The following LRP1B variants were observed in gnomAD, a reference collection of about 807,000 sequenced individuals.
LRP1B encodes the protein low-density lipoprotein receptor-related protein 1B.
LRP1B carries 217 observed loss-of-function variants against 556.6 expected under a neutral mutation model. The observed-to-expected ratio is 0.39, with a 90% confidence interval of 0.35 to 0.44. LRP1B has a LOEUF of 0.44. Among genes scored for constraint, LRP1B ranks in the 20% least tolerant of loss-of-function variants. The pLI is 1.00. For synonymous variants in LRP1B, 2,047 were observed against 1,865.8 expected, an observed-to-expected ratio of 1.10 and a Z score of -2.50; for missense variants, 5,053 against 5,620.8, an observed-to-expected ratio of 0.90 and a Z score of 3.23.
At chr2:140,848,031 C>T (rs1692329805) in intron 29 of LRP1B, among the ~76,000 whole-genome samples, 2 of 151,828 alleles carry the variant, frequency 1.3e-5, no homozygotes, top group African/African-American at 4.8e-5. Flanking sequence ...TAAGATATAA[C>T]ATCTTTTGCT....
At chr2:141,248,081 G>T (rs894805135) in intron 4 of LRP1B, among the ~76,000 whole-genome samples, 3 of 152,044 alleles carry the variant, frequency 2.0e-5, no homozygotes, top group Admixed American at 2.0e-4. Context: ...AATGGTGTGT[G>T]CCTGTACCCC....
intron 32 of LRP1B, among the ~76,000 whole-genome samples, chr2:140,802,587 C>T (rs1690554148): frequency 6.6e-6 from 1 of 152,170 alleles, no homozygotes; most frequent in African/African-American, 2.4e-5. Flanking sequence ...GCACAGCATA[C>T]CTGCATCAGT....
At chr2:141,743,961 G>GATTC (rs1553457881) in intron 2 of LRP1B, among the ~76,000 whole-genome samples, 1 of 150,840 alleles carries the variant, frequency 6.6e-6, no homozygotes, top group African/African-American at 2.4e-5. Flanking sequence ...CTTTTTGTTT[G>GATTC]ATTCTTTATA....
intron 32 of LRP1B, among the ~76,000 whole-genome samples, chr2:140,808,867 G>A (rs2105025840): frequency 6.6e-6 from 1 of 152,238 alleles, no homozygotes; most frequent in Non-Finnish European, 1.5e-5. Context: ...CAGAATACAA[G>A]CTCTGTTCAA....
At chr2:141,194,235 A>G (rs927529521) in intron 6 of LRP1B, among the ~76,000 whole-genome samples, 1 of 152,104 alleles carries the variant, frequency 6.6e-6, no homozygotes, top group African/African-American at 2.4e-5. Context: ...CTATATATTT[A>G]CATAAGTCAT....
At chr2:141,535,179 T>C (rs187855058) in intron 2 of LRP1B, among the ~76,000 whole-genome samples, 14 of 152,302 alleles carry the variant, frequency 9.2e-5, no homozygotes, top group African/African-American at 3.1e-4. Context: ...CTTTAAATAC[T>C]CAGGCTTGAC....
chr2:140,260,632 G>GT (rs1212064308), intron 86 of LRP1B, among the ~76,000 whole-genome samples: 1 of 151,446 alleles, frequency 6.6e-6, no homozygotes, highest in African/African-American at 2.4e-5. Context: ...TGTATTTATT[G>GT]TTTTTTTATT....
chr2:140,719,519 C>G (rs544545563), intron 35 of LRP1B, among the ~76,000 whole-genome samples: 2 of 152,054 alleles, frequency 1.3e-5, no homozygotes, highest in Non-Finnish European at 2.9e-5. Context: ...CCCATATACA[C>G]CATGACATCT....
chr2:140,652,252 A>T (rs999209383), intron 41 of LRP1B, among the ~76,000 whole-genome samples: 1 of 152,046 alleles, frequency 6.6e-6, no homozygotes, highest in African/African-American at 2.4e-5. Flanking sequence ...GATGGGAAAG[A>T]CAAATTTGAG....
chr2:141,523,761 CTT>C (rs1312624178), intron 2 of LRP1B, among the ~76,000 whole-genome samples: 2 of 152,132 alleles, frequency 1.3e-5, no homozygotes, highest in Non-Finnish European at 1.5e-5. Context: ...CAGAAGGACA[CTT>C]TGTTAGTGTC....
intron 7 of LRP1B, among the ~76,000 whole-genome samples, chr2:141,083,375 A>G (rs2049478): frequency 0.85 from 127,932 of 150,912 alleles, 54,577 homozygotes; most frequent in Non-Finnish European, 0.89. Context: ...ATGAAGAAGG[A>G]ACAGGGATGA....
At chr2:140,558,944 A>G (rs1322419434) in intron 43 of LRP1B, among the ~76,000 whole-genome samples, 3 of 122,116 alleles carry the variant, frequency 2.5e-5, no homozygotes, top group Non-Finnish European at 3.4e-5. Flanking sequence ...TCCAAAAGGA[A>G]AAAAAAAAAA....
In LRP1B at chr2:141,066,426, G is replaced by T. The variant is rs199686516; in HGVS notation, c.1014-4153C>A. 1.3e-4 allele frequency among the ~76,000 whole-genome samples: 20 copies of T among 152,076 alleles called. No individual in the cohort carries two copies. The East Asian group carries it at 3.7e-3, about 28-fold the overall frequency. ...ATAAGTCACAAAGGGAGCGCTCATG[G>T]ACAGTGACAGAGCACTGTGCTTACA... On this transcript the variant is annotated intron_variant, in intron 7 of 90. Coordinates refer to ENST00000389484, the MANE Select transcript of LRP1B (RefSeq NM_018557.3).
chr2:140,517,155 AG>A (rs1157476713), intron 49 of LRP1B, 144 bp from the exon 50 acceptor site: 13 of 633,076 alleles, frequency 2.1e-5, no homozygotes, highest in African/African-American at 1.7e-4. Context: ...AAGAATGTCA[AG>A]GTTATGAAAA....
chr2:141,462,663 AAATT>A (rs1267312848), intron 3 of LRP1B, among the ~76,000 whole-genome samples: 2 of 152,144 alleles, frequency 1.3e-5, no homozygotes, highest in Non-Finnish European at 2.9e-5. Flanking sequence ...AAAAATAAAA[AAATT>A]AATAAATAAC....
chr2:141,819,248 CAAACAAACAAA>C (rs1696674246), intron 1 of LRP1B, among the ~76,000 whole-genome samples: 2 of 131,816 alleles, frequency 1.5e-5, no homozygotes, highest in South Asian at 2.4e-4. Context: ...AACAAACAAA[CAAACAAACAAA>C]AAAAAAAACA....
intron 20 of LRP1B, among the ~76,000 whole-genome samples, chr2:140,947,026 G>A (rs1217676272): frequency 6.6e-6 from 1 of 152,140 alleles, no homozygotes; most frequent in Non-Finnish European, 1.5e-5. Flanking sequence ...ATGGAGAGAA[G>A]GAATGTGAGC....
intron 4 of LRP1B, among the ~76,000 whole-genome samples, chr2:141,248,554 T>C (rs1417758492): frequency 6.6e-6 from 1 of 152,070 alleles, no homozygotes; most frequent in Non-Finnish European, 1.5e-5. Context: ...GGTATTGGGA[T>C]GGCATCATGG....
At chr2:140,481,414 T>C (rs1435801819) in intron 59 of LRP1B, among the ~76,000 whole-genome samples, 2 of 151,916 alleles carry the variant, frequency 1.3e-5, no homozygotes, top group Non-Finnish European at 2.9e-5. Context: ...TCTGAGAAAG[T>C]CACTTAGCCA....
Sources: gnomAD v4.1 joint callset for allele counts (sites outside exome capture counted in the v4.1 genomes callset) on GRCh38, gnomAD v4.1.1 for gene constraint, MANE v1.5 for transcripts, NCBI Gene and HGNC (gene_info 2026-07-23, HGNC 2026-07-21) for gene names.